Variants in RNF150 observed in about 807,000 individuals in gnomAD.
The protein encoded by RNF150 is ring finger protein 150.
A neutral mutation model predicts 39.3 loss-of-function variants in RNF150; 24 were observed. That is an observed-to-expected ratio of 0.61 (90% CI 0.44 to 0.86). The LOEUF (loss-of-function observed/expected upper bound fraction) is 0.86. Among genes scored for constraint, RNF150 ranks in the 40% least tolerant of loss-of-function variants. The pLI is 0.00. For synonymous variants in RNF150, 255 were observed against 227.3 expected (o/e 1.12, Z -1.10); for missense variants, 502 against 587.8 (o/e 0.85, Z 1.51).
At chr4:141,108,468 C>T (rs533809646) in intron 1 of RNF150, among the ~76,000 whole-genome samples, 5 of 152,220 alleles carry the variant, frequency 3.3e-5, no homozygotes, top group Admixed American at 3.3e-4. Context: ...AAGTTCTATA[C>T]TAAGTGCTTT....
intron 4 of RNF150, among the ~76,000 whole-genome samples, chr4:140,930,944 T>G (rs1206365181): frequency 6.6e-6 from 1 of 151,792 alleles, no homozygotes; most frequent in African/African-American, 2.4e-5. Flanking sequence ...CTGCTGGGGT[T>G]TTTTTTTGTT....
intron 6 of RNF150, among the ~76,000 whole-genome samples, chr4:140,882,510 T>C (rs568842860): frequency 6.6e-6 from 1 of 152,344 alleles, no homozygotes; most frequent in South Asian, 2.1e-4. Context: ...TTTCTATCTA[T>C]TTTTGAAAAT....
chr4:141,053,408 A>T (rs948068781), intron 1 of RNF150, among the ~76,000 whole-genome samples: 1 of 152,198 alleles, frequency 6.6e-6, no homozygotes, highest in Non-Finnish European at 1.5e-5. Flanking sequence ...AATCATAAGA[A>T]AAACTAGGAT....
chr4:141,077,264 T>C (rs905788846), intron 1 of RNF150, among the ~76,000 whole-genome samples: 1 of 152,194 alleles, frequency 6.6e-6, no homozygotes, highest in Non-Finnish European at 1.5e-5. Flanking sequence ...ATAGTTTCAA[T>C]GAGTGAATGA....
rs375613240 is a variant in RNF150, at chr4:141,023,699, T to C, written c.485-55826A>G. On this transcript the variant is annotated intron_variant, in intron 1 of 6. Coordinates refer to ENST00000515673, the MANE Select transcript of RNF150 (RefSeq NM_020724.2). The stretch of plus-strand genomic sequence containing the variant: ...GCTTGTATTTTATACTTTCAATGCA[T>C]CATCCACATTTCAAGTGCTCAACTG... Among the ~76,000 whole-genome samples the C allele has an allele frequency of 2.0e-5, 3 of 152,290 alleles. No homozygotes were observed. The South Asian group carries it at 6.2e-4, about 32-fold the overall frequency.
intron 6 of RNF150, among the ~76,000 whole-genome samples, chr4:140,896,696 AAAAAC>A (rs1349429199): frequency 1.2e-5 from 1 of 81,440 alleles, no homozygotes; most frequent in Non-Finnish European, 2.6e-5. Context: ...ATAAAAAAAA[AAAAAC>A]AAAAAAACAA....
At chr4:140,999,096 T>C (rs140654669) in intron 1 of RNF150, among the ~76,000 whole-genome samples, 2 of 152,304 alleles carry the variant, frequency 1.3e-5, no homozygotes, top group East Asian at 1.9e-4. Flanking sequence ...TGGTCTCCTC[T>C]GATAATTTAT....
chr4:141,197,448 CTT>C (rs1218530020), intron 1 of RNF150, among the ~76,000 whole-genome samples: 1 of 151,940 alleles, frequency 6.6e-6, no homozygotes, highest in Non-Finnish European at 1.5e-5. Context: ...TTATTTGTAA[CTT>C]ATTGTATTTT....
chr4:141,085,157 G>C (rs1262436838), intron 1 of RNF150, among the ~76,000 whole-genome samples: 2 of 152,216 alleles, frequency 1.3e-5, no homozygotes, highest in African/African-American at 4.8e-5. Context: ...TGAAGGAGGA[G>C]CAAAGGCATG....
At chr4:140,990,949 G>T (rs1049376019) in intron 1 of RNF150, among the ~76,000 whole-genome samples, 7 of 152,222 alleles carry the variant, frequency 4.6e-5, no homozygotes, top group African/African-American at 1.7e-4. Flanking sequence ...TACATTCCCA[G>T]CAATAGTGCA....
intron 6 of RNF150, among the ~76,000 whole-genome samples, chr4:140,900,823 T>C (rs1478626831): frequency 1.6e-4 from 9 of 55,102 alleles, no homozygotes. Context: ...AGGAACTTTA[T>C]ATATATATAT....
chr4:140,975,086 C>G (rs1274108855), intron 1 of RNF150, among the ~76,000 whole-genome samples: 1 of 151,896 alleles, frequency 6.6e-6, no homozygotes, highest in East Asian at 1.9e-4. Context: ...CGAAACCCTG[C>G]CTCTACAAAA....
rs1729726191 is a variant in RNF150, at chr4:140,890,656, T to C, written c.1198+20488A>G. Among the ~76,000 whole-genome samples, 3 of 152,152 alleles carry C rather than the reference T, an allele frequency of 2.0e-5. No individual in the cohort carries two copies. The South Asian group carries it at 6.2e-4, about 32-fold the overall frequency. On this transcript the variant is annotated intron_variant, in intron 6 of 6. Transcript: ENST00000515673. ...GCCATCTTCAAGCCAGGAAGAGGTA[T>C]CTCACTAGAAGTCAACCATGCAGCC...
intron 2 of RNF150, among the ~76,000 whole-genome samples, chr4:140,966,461 CA>C (rs34103653): frequency 3.3e-5 from 5 of 151,616 alleles, no homozygotes; most frequent in African/African-American, 4.8e-5. Flanking sequence ...TCCTATCCTA[CA>C]AAAAAGGGTT....
chr4:141,190,313 T>C (rs1728089012), intron 1 of RNF150, among the ~76,000 whole-genome samples: 1 of 152,156 alleles, frequency 6.6e-6, no homozygotes. Context: ...TTTAAGTTTA[T>C]CTAAGTGGAG....
chr4:141,048,685 G>A (rs1192949808), intron 1 of RNF150, among the ~76,000 whole-genome samples: 1 of 152,054 alleles, frequency 6.6e-6, no homozygotes, highest in East Asian at 1.9e-4. Context: ...GTGAGCTATG[G>A]TCTGACCACT....
At chr4:140,938,563 A>T (rs186629708) in intron 4 of RNF150, among the ~76,000 whole-genome samples, 1 of 152,300 alleles carries the variant, frequency 6.6e-6, no homozygotes, top group African/African-American at 2.4e-5. Flanking sequence ...ACGAACAAAC[A>T]ACCTTCCAAG....
In RNF150 at chr4:141,045,098, T is replaced by C. The variant is rs1179595784; in HGVS notation, c.485-77225A>G. Reference sequence around the variant, plus strand: ...CAGCCTTGTGAGGTTAAAAAACTTGTGCAAAGACATTTAGCTAAAAAGTGC... The same window carrying C: ...CAGCCTTGTGAGGTTAAAAAACTTGCGCAAAGACATTTAGCTAAAAAGTGC... On this transcript the variant is annotated intron_variant, in intron 1 of 6. Transcript: ENST00000515673. 2.0e-5 allele frequency among the ~76,000 whole-genome samples: 3 copies of C among 152,332 alleles called. No individual in the cohort carries two copies. The East Asian group carries it at 5.8e-4, about 29-fold the overall frequency.
In RNF150 at chr4:141,210,183, T is replaced by A. The variant is rs181273502; in HGVS notation, c.-6+2611A>T. On this transcript the variant is annotated intron_variant, in intron 1 of 7. Coordinates refer to the RNF150 transcript ENST00000420921. ...CTATGTGTATTTGATGATCTTTTAT[T>A]GTGATCTCTCATGCTTGGCTGGTTT... 1.5e-3 allele frequency among the ~76,000 whole-genome samples: 232 copies of A among 152,308 alleles called. 1 individual carries two copies. Among genetic ancestry groups the A allele is most frequent in the African/African-American group, 5.2e-3 (216 of 41,560 alleles).
Sources: gnomAD v4.1 joint callset for allele counts (sites outside exome capture counted in the v4.1 genomes callset) on GRCh38, gnomAD v4.1.1 for gene constraint, MANE v1.5 for transcripts, NCBI Gene and HGNC (gene_info 2026-07-23, HGNC 2026-07-21) for gene names.